ARRB2: variants seen among roughly 807,000 people sequenced by gnomAD.
ARRB2 encodes arrestin beta 2.
A neutral mutation model predicts 53.4 loss-of-function variants in ARRB2; 21 were observed. The observed-to-expected ratio is 0.39, with a 90% CI of 0.28 to 0.57. The LOEUF (loss-of-function observed/expected upper bound fraction) is 0.57. ARRB2 is among the 20% of genes least tolerant of loss of function. ARRB2 has a pLI of 0.55. For missense variants in ARRB2, 369 were observed against 527.5 expected, an observed-to-expected ratio of 0.70 and a Z score of 2.94; for synonymous variants, 180 against 212.9, an observed-to-expected ratio of 0.85 and a Z score of 1.34.
intron 1 of ARRB2, among the ~76,000 whole-genome samples, chr17:4,712,292 G>C (rs1458099506): frequency 2.0e-5 from 3 of 152,244 alleles, no homozygotes; most frequent in Non-Finnish European, 4.4e-5. Flanking sequence ...AATACCTGGG[G>C]CCCTCCATAC....
Position 4,720,347 on chromosome 17 carries a change from A to G in ARRB2, c.1002-46A>G, listed in dbSNP as rs928626245. 6 of 1,613,552 alleles carry G rather than the reference A, an allele frequency of 3.7e-6. No homozygotes were observed. The African/African-American group carries it at 8.0e-5, about 22-fold the overall frequency. On this transcript the variant is annotated intron_variant, in intron 12 of 14. Coordinates refer to ENST00000269260, the MANE Select transcript of ARRB2 (RefSeq NM_004313.4). The stretch of plus-strand genomic sequence containing the variant: ...GGTGGGGGTCACACTGGCTCTCTCT[A>G]GTCCCATGTCGTCGTCCTCTTCACG...
rs1395918646 is a variant in ARRB2 at position 4,718,023 on chromosome 17, G to A, written c.621G>A (p.Glu207=). The A allele has an allele frequency of 6.2e-7, 1 of 1,613,102 alleles. No individual in the cohort carries two copies. The highest frequency in any genetic ancestry group is 8.5e-7 in the Non-Finnish European group (1 of 1,180,000). The change falls in exon 8 of 15, where the codon GAG becomes GAA. Residue 207 remains glutamate, a splice_region_variant and synonymous_variant. Transcript: ENST00000269260. ...SLHLEASLDK[E]LYYHGEPLNV... Reference sequence around the variant, plus strand: ...ACCTCGAGGCTTCCCTGGACAAGGAGGTGGGGCGTGAGAGGGTGACACGGA... The same window carrying A: ...ACCTCGAGGCTTCCCTGGACAAGGAAGTGGGGCGTGAGAGGGTGACACGGA...
In ARRB2 at chr17:4,721,167, A is replaced by T. The variant is rs1287737976; in HGVS notation, c.*128A>T. ...CCCTCACCTGGAAGCTTCTTCAACC[A>T]ATCCCTTCACACTCTCTCCCCCATC... is the stretch of plus-strand genomic sequence containing the variant. On this transcript the variant is annotated 3_prime_UTR_variant, in exon 15 of 15. Coordinates refer to ENST00000269260, the MANE Select transcript of ARRB2 (RefSeq NM_004313.4). This position sits in a 1 kb window ranked among gnomAD's most constrained non-coding sequence, Gnocchi z 4.2. 1.1e-6 allele frequency: 1 copy of T among 914,908 alleles called. No homozygotes were observed. The allele number at this position is 914,908 out of a possible 1,614,324, so 56.7% of individuals were successfully genotyped here. A position where few individuals can be genotyped will look rare whatever the true frequency, so the allele number is the denominator to read the frequency against.
intron 2 of ARRB2, 124 bp from the exon 3 acceptor site, chr17:4,715,849 C>G: frequency 8.8e-7 from 1 of 1,135,050 alleles, no homozygotes; most frequent in Non-Finnish European, 1.3e-6. Context: ...TGGGAGGAAA[C>G]CTGGAACAAC....
At chr17:4,719,533 C>G in intron 11 of ARRB2, 113 bp downstream of exon 11, 1 of 1,445,050 alleles carries the variant, frequency 6.9e-7, no homozygotes, top group Non-Finnish European at 9.3e-7. Flanking sequence ...AAAAAGAACT[C>G]TTACATTCTA....
chr17:4,716,417 G>A lies in ARRB2; in HGVS notation c.166G>A (p.Val56Met). The A allele has an allele frequency of 1.2e-6, 2 of 1,614,168 alleles. No homozygotes were observed. The highest frequency in any genetic ancestry group is 1.7e-6 in the Non-Finnish European group (2 of 1,180,012). Residue 56 changes from valine (V) to methionine (M), a missense_variant, in exon 5 of 15, where the codon GTG becomes ATG. Physicochemically the swap from Val to Met is conservative, Grantham distance 21 (BLOSUM62 1). Coordinates refer to ENST00000269260, the MANE Select transcript of ARRB2 (RefSeq NM_004313.4). ...PDYLKDRKVFVTLTCAFRYGR... is the reference protein window; with the variant it reads ...PDYLKDRKVFMTLTCAFRYGR... ...ATCTCACCCTCCCTTGCCAGTGTTTGTGACCCTCACCTGCGCCTTCCGCTA... is the reference window on the plus strand; with the variant it reads ...ATCTCACCCTCCCTTGCCAGTGTTTATGACCCTCACCTGCGCCTTCCGCTA...
chr17:4,719,055 T>A (rs1225446505), intron 10 of ARRB2, among the ~76,000 whole-genome samples: 1 of 152,176 alleles, frequency 6.6e-6, no homozygotes, highest in Non-Finnish European at 1.5e-5. Flanking sequence ...ATTACAGGCG[T>A]GAGCCGCCGC....
At chr17:4,716,391 C>A (rs752559178) in intron 4 of ARRB2, 21 bp from the exon 5 acceptor site, 1 of 1,614,006 alleles carries the variant, frequency 6.2e-7, no homozygotes, top group Non-Finnish European at 8.5e-7. Flanking sequence ...CCTGACCACT[C>A]ATCTCACCCT....
chr17:4,716,127 C>A lies in ARRB2; in HGVS notation c.116-20C>A, dbSNP rs754101655. The A allele has an allele frequency of 6.2e-7, 1 of 1,614,170 alleles. No individual in the cohort carries two copies. Among genetic ancestry groups the A allele is most frequent in the Non-Finnish European group, 8.5e-7 (1 of 1,180,018 alleles). ...GGGAGCGGCCCTTTCAGGAAGTGAGCTGGTGTGTCCCCCTCCTAGATGGCG... is the reference window on the plus strand; with the variant it reads ...GGGAGCGGCCCTTTCAGGAAGTGAGATGGTGTGTCCCCCTCCTAGATGGCG... On this transcript the variant is annotated intron_variant, in intron 3 of 14. Coordinates refer to ENST00000269260, the MANE Select transcript of ARRB2 (RefSeq NM_004313.4).
intron 1 of ARRB2, 128 bp downstream of exon 1, chr17:4,710,872 C>G (rs1381431415): frequency 5.0e-6 from 2 of 396,156 alleles, no homozygotes; most frequent in Non-Finnish European, 8.9e-6. Flanking sequence ...GGACAGCCAT[C>G]CGGGGCCGCA....
chr17:4,718,483 A>AT, intron 9 of ARRB2, 129 bp from the exon 10 acceptor site: 2 of 1,211,954 alleles, frequency 1.7e-6, no homozygotes, highest in East Asian at 4.7e-5. Flanking sequence ...TTCCATAATG[A>AT]TACGGGGAGC....
At position 4,716,607 on chromosome 17, in the gene ARRB2, C is replaced by T; in HGVS notation, c.356C>T (p.Thr119Ile). The T allele has an allele frequency of 1.9e-6, 3 of 1,550,600 alleles. No individual in the cohort carries two copies. The highest frequency in any genetic ancestry group is 2.6e-6 in the Non-Finnish European group (3 of 1,147,850). ...CAGCATGCCCACCCCTTCTTCTTCACCGTGAGGATGCCCCTGCCCTCTGAG... is the reference window on the plus strand; with the variant it reads ...CAGCATGCCCACCCCTTCTTCTTCATCGTGAGGATGCCCCTGCCCTCTGAG... ...LGQHAHPFFFTIPQNLPCSVT... is the reference protein window; with the variant it reads ...LGQHAHPFFFIIPQNLPCSVT... The change falls in exon 5 of 15, where the codon ACC becomes ATC. Residue 119 changes from threonine (T) to isoleucine (I), a missense_variant and splice_region_variant. Transcript: ENST00000269260.
rs1314297494 is a variant in ARRB2, at chr17:4,711,517, A to G, written c.23+773A>G. 2.6e-5 allele frequency among the ~76,000 whole-genome samples: 4 copies of G among 152,186 alleles called. No homozygotes were observed. In the East Asian group the frequency reaches 7.7e-4, roughly 29 times the overall value. On this transcript the variant is annotated intron_variant, in intron 1 of 14. Transcript: ENST00000269260. ...CGCAGGGGAGCGGGAGCAAAAGACG[A>G]AAAGGTTGGGGCTGTAGGCCTCAAC...
chr17:4,715,197 A>C, intron 2 of ARRB2, 154 bp downstream of exon 2: 2 of 891,708 alleles, frequency 2.2e-6, no homozygotes, highest in South Asian at 3.6e-5. Flanking sequence ...TTCCCTCCTG[A>C]AGCCCCTTGC....
Position 4,720,606 on chromosome 17 carries a change from C to A in ARRB2, c.1102C>A (p.Pro368Thr). 1 of 1,593,320 alleles carries A rather than the reference C, an allele frequency of 6.3e-7. No individual in the cohort carries two copies. Among genetic ancestry groups the A allele is most frequent in the South Asian group, 1.1e-5 (1 of 87,838 alleles). Residue 368 changes from proline to threonine, a missense_variant, in exon 14 of 15, where the codon CCT (proline) becomes ACT (threonine). By Grantham distance (38) the Pro-to-Thr change is conservative (BLOSUM62 -1). Coordinates refer to ENST00000269260, the MANE Select transcript of ARRB2 (RefSeq NM_004313.4). ...PQSAAPETDVPVDTNLIEFDT... is the reference protein window; with the variant it reads ...PQSAAPETDVTVDTNLIEFDT... ...CCCAGCCGCTCCGGAGACAGATGTC[C>A]CTGTGGACACCAACCTCATTGAATT...
Position 4,717,793 on chromosome 17 carries a change from TC to T in ARRB2, c.485+43del. 2 of 1,601,992 alleles carry T rather than the reference TC, an allele frequency of 1.2e-6. No homozygotes were observed. Among genetic ancestry groups the T allele is most frequent in the Non-Finnish European group, 1.7e-6 (2 of 1,173,912 alleles). ...TCCTCTGTGGTGTAAGAGGAGGCTT[TC>T]CTCCCCGCTTCCAGGAGCCCAGGCC... On this transcript the variant is annotated intron_variant, in intron 7 of 14. Coordinates refer to ENST00000269260, the MANE Select transcript of ARRB2 (RefSeq NM_004313.4). The surrounding 1 kb of genome is among the most constrained non-coding windows in gnomAD (Gnocchi z 6.0).
chr17:4,720,886 T>TG, intron 14 of ARRB2, 60 bp from the exon 15 acceptor site: 1 of 1,544,838 alleles, frequency 6.5e-7, no homozygotes, highest in Middle Eastern at 1.7e-4. Flanking sequence ...GGGCAGGGAG[T>TG]GGGAGGCTGG....
Position 4,717,605 on chromosome 17 carries a change from G to A in ARRB2, c.418-80G>A. ...ATGAGGCAAGAGTCCCTGCCCGAGA[G>A]GAGGGAAGGGGGAGGAAGAAAGGGC... On this transcript the variant is annotated intron_variant, in intron 6 of 14. Transcript: ENST00000269260. This position sits in a 1 kb window ranked among gnomAD's most constrained non-coding sequence, Gnocchi z 6.0. 1 of 1,571,886 alleles carries A rather than the reference G, an allele frequency of 6.4e-7. No homozygotes were observed. The highest frequency in any genetic ancestry group is 8.7e-7 in the Non-Finnish European group (1 of 1,143,692).
chr17:4,717,320 G>A lies in ARRB2; in HGVS notation c.417+44G>A. ...TGAGGGCTCCTAGGGCAGGACATGG[G>A]CCAGCAGGAGCCTGGAGGCACAGCT... On this transcript the variant is annotated intron_variant, in intron 6 of 14. Coordinates refer to ENST00000269260, the MANE Select transcript of ARRB2 (RefSeq NM_004313.4). This position sits in a 1 kb window ranked among gnomAD's most constrained non-coding sequence, Gnocchi z 6.0. The A allele has an allele frequency of 1.2e-6, 2 of 1,602,036 alleles. No homozygotes were observed. Among genetic ancestry groups the A allele is most frequent in the Non-Finnish European group, 1.7e-6 (2 of 1,169,106 alleles).
Sources: allele counts gnomAD v4.1 joint callset (sites outside exome capture counted in the v4.1 genomes callset), GRCh38; gene constraint gnomAD v4.1.1; non-coding constraint Gnocchi (gnomAD v3.1); transcripts MANE v1.5; gene names NCBI Gene and HGNC (gene_info 2026-07-23, HGNC 2026-07-21).